Variants in AGBL4 observed in about 807,000 individuals in gnomAD.
AGBL4 encodes AGBL carboxypeptidase 4.
Under a neutral mutation model 66.4 loss-of-function variants are expected in AGBL4, and 58 were observed. That is an observed-to-expected ratio of 0.87 (90% CI 0.71 to 1.09). The LOEUF is 1.09. AGBL4 is among the 50% of genes least tolerant of loss of function. The pLI is 0.00. For missense variants in AGBL4, 579 were observed against 631.0 expected (o/e 0.92, Z 0.88); for synonymous variants, 234 against 222.9 (o/e 1.05, Z -0.44).
chr1:48,753,401 A>G (rs1166575802), intron 6 of AGBL4, among the ~76,000 whole-genome samples: 1 of 152,260 alleles, frequency 6.6e-6, no homozygotes, highest in Non-Finnish European at 1.5e-5. Context: ...TCTCCAGTAC[A>G]GGAGAAAACC....
At chr1:49,396,366 A>ATGTG (rs143459610) in intron 3 of AGBL4, among the ~76,000 whole-genome samples, 2 of 151,186 alleles carry the variant, frequency 1.3e-5, no homozygotes, top group African/African-American at 4.9e-5. Context: ...GTGTGTATGA[A>ATGTG]TGTGTGTGTG....
chr1:48,952,741 C>A (rs1353249976), intron 5 of AGBL4, among the ~76,000 whole-genome samples: 1 of 152,136 alleles, frequency 6.6e-6, no homozygotes, highest in African/African-American at 2.4e-5. Context: ...GGATAGATCC[C>A]AGGCTATAGA....
chr1:49,687,240 A>G (rs963036654), intron 3 of AGBL4, among the ~76,000 whole-genome samples: 1 of 152,236 alleles, frequency 6.6e-6, no homozygotes, highest in Admixed American at 6.5e-5. Flanking sequence ...CCACAGTTGG[A>G]AGACAACTGC....
intron 5 of AGBL4, among the ~76,000 whole-genome samples, chr1:48,886,567 T>C (rs1221296748): frequency 6.6e-6 from 1 of 152,136 alleles, no homozygotes; most frequent in Non-Finnish European, 1.5e-5. Flanking sequence ...TTTATTATTT[T>C]TTTGAGGTGG....
chr1:49,068,247 T>G (rs1386578817), intron 4 of AGBL4, among the ~76,000 whole-genome samples: 2 of 151,512 alleles, frequency 1.3e-5, no homozygotes. Context: ...TTTTCTTTTT[T>G]TATTATAAGT....
chr1:49,933,015 G>C (rs571208972), intron 1 of AGBL4, among the ~76,000 whole-genome samples: 20 of 152,090 alleles, frequency 1.3e-4, no homozygotes, highest in African/African-American at 4.3e-4. Flanking sequence ...GGAAGAATAG[G>C]GTTCAAATAC....
chr1:49,923,228 G>C lies in AGBL4; in HGVS notation c.35-71710C>G, dbSNP rs377578460. Among the ~76,000 whole-genome samples the C allele has an allele frequency of 1.6e-3, 239 of 152,224 alleles. 1 individual carries two copies. The highest frequency in any genetic ancestry group is 4.9e-3 in the African/African-American group (204 of 41,566). On this transcript the variant is annotated intron_variant, in intron 1 of 13. Transcript: ENST00000371839. Reference sequence around the variant, plus strand: ...ACAAGCAATGGGGAAAGGACACCCTGTTCAATAAATGGTGCCGGGATAACT... The same window carrying C: ...ACAAGCAATGGGGAAAGGACACCCTCTTCAATAAATGGTGCCGGGATAACT...
intron 2 of AGBL4, among the ~76,000 whole-genome samples, chr1:49,720,158 C>G (rs1648489410): frequency 6.6e-6 from 1 of 152,000 alleles, no homozygotes. Flanking sequence ...ATAGGTTGAG[C>G]ATCCCAAATA....
At chr1:48,718,622 G>A (rs1395217954) in intron 6 of AGBL4, among the ~76,000 whole-genome samples, 4 of 152,194 alleles carry the variant, frequency 2.6e-5, no homozygotes, top group Middle Eastern at 3.4e-3. Context: ...GGGAGAGGTG[G>A]GGGCAGAGGA....
intron 2 of AGBL4, among the ~76,000 whole-genome samples, chr1:49,707,133 T>G (rs1647265469): frequency 6.6e-6 from 1 of 152,114 alleles, no homozygotes; most frequent in African/African-American, 2.4e-5. Context: ...TGTCTAATAT[T>G]GACAGTGGGG....
chr1:48,678,377 A>C (rs912964734), intron 6 of AGBL4, among the ~76,000 whole-genome samples: 2 of 152,146 alleles, frequency 1.3e-5, no homozygotes, highest in African/African-American at 4.8e-5. Context: ...TCTTTACTTA[A>C]GGGACTGAGG....
intron 6 of AGBL4, among the ~76,000 whole-genome samples, chr1:48,846,365 G>C (rs12118219): frequency 1.6e-5 from 1 of 61,628 alleles, no homozygotes; most frequent in Non-Finnish European, 3.0e-5. Flanking sequence ...AAAGAAAGAA[G>C]AAAGAAAGAA....
chr1:49,746,854 T>C (rs749017317), intron 2 of AGBL4, among the ~76,000 whole-genome samples: 1 of 152,116 alleles, frequency 6.6e-6, no homozygotes, highest in East Asian at 1.9e-4. Context: ...GTAGCTGAGA[T>C]TGTAAAAGTT....
chr1:49,995,481 G>T (rs1053806591), intron 1 of AGBL4: 24 of 350,608 alleles, frequency 6.8e-5, no homozygotes, highest in South Asian at 4.8e-4. Flanking sequence ...ACCCCACAGG[G>T]GCTGAAGCAG....
intron 3 of AGBL4, among the ~76,000 whole-genome samples, chr1:49,639,688 C>T (rs1288023923): frequency 1.3e-5 from 2 of 152,142 alleles, no homozygotes; most frequent in African/African-American, 2.4e-5. Flanking sequence ...AAAGCCTCTG[C>T]ATTCACAGTG....
chr1:48,589,781 T>A (rs1343031242), intron 10 of AGBL4, among the ~76,000 whole-genome samples: 1 of 152,148 alleles, frequency 6.6e-6, no homozygotes, highest in Non-Finnish European at 1.5e-5. Flanking sequence ...TACAAAAAAA[T>A]TGAGGCTGAG....
intron 3 of AGBL4, among the ~76,000 whole-genome samples, chr1:49,401,240 C>G (rs1170153625): frequency 6.6e-6 from 1 of 152,138 alleles, no homozygotes; most frequent in Non-Finnish European, 1.5e-5. Context: ...AAGGGGGAAG[C>G]ACCTTATAAA....
At chr1:49,707,215 T>C (rs1437611850) in intron 2 of AGBL4, among the ~76,000 whole-genome samples, 1 of 152,030 alleles carries the variant, frequency 6.6e-6, no homozygotes, top group Non-Finnish European at 1.5e-5. Context: ...GCTTTAAGAA[T>C]TGGGTGCTAC....
intron 6 of AGBL4, among the ~76,000 whole-genome samples, chr1:48,681,230 C>G (rs1316522742): frequency 6.6e-6 from 1 of 152,158 alleles, no homozygotes; most frequent in African/African-American, 2.4e-5. Flanking sequence ...ACCGCTGCCT[C>G]TCAAGGATAT....
Sources: allele counts gnomAD v4.1 joint callset (sites outside exome capture counted in the v4.1 genomes callset), GRCh38; gene constraint gnomAD v4.1.1; transcripts MANE v1.5; gene names NCBI Gene and HGNC (gene_info 2026-07-23, HGNC 2026-07-21).